The following HCN1 variants were observed in gnomAD, a reference collection of about 807,000 sequenced individuals.
The protein encoded by HCN1 is potassium/sodium hyperpolarization-activated cyclic nucleotide-gated channel 1.
A neutral mutation model predicts 78.9 loss-of-function variants in HCN1; 13 were observed. The observed-to-expected ratio is 0.16, with a 90% confidence interval of 0.11 to 0.26. The LOEUF (loss-of-function observed/expected upper bound fraction) is 0.26. Ranked by LOEUF, HCN1 falls within the 10% of genes least tolerant of loss-of-function variation. The pLI, the probability that HCN1 is intolerant of heterozygous loss-of-function variation, is 1.00. For synonymous variants in HCN1, 552 were observed against 455.5 expected (o/e 1.21, Z -2.70); for missense variants, 810 against 1,154.3 (o/e 0.70, Z 4.32).
At chr5:45,655,227 T>A (rs1040779933) in intron 1 of HCN1, among the ~76,000 whole-genome samples, 4 of 152,096 alleles carry the variant, frequency 2.6e-5, no homozygotes, top group Admixed American at 2.6e-4. Context: ...CAATAAAGTA[T>A]TAAATGTTAA....
chr5:45,385,825 C>T (rs376856876), intron 4 of HCN1, among the ~76,000 whole-genome samples: 1 of 152,142 alleles, frequency 6.6e-6, no homozygotes, highest in African/African-American at 2.4e-5. Flanking sequence ...TGGGAATAAT[C>T]GCATTCTTGG....
At chr5:45,372,494 TA>T (rs1375377971) in intron 4 of HCN1, among the ~76,000 whole-genome samples, 2 of 126,446 alleles carry the variant, frequency 1.6e-5, no homozygotes, top group Non-Finnish European at 3.1e-5. Context: ...CATTTACATA[TA>T]AAAATATATA....
chr5:45,372,036 A>AT (rs1409402408), intron 4 of HCN1, among the ~76,000 whole-genome samples: 2 of 57,118 alleles, frequency 3.5e-5, no homozygotes, highest in African/African-American at 9.6e-5. Flanking sequence ...ATATAATTAT[A>AT]TATATATTAT....
intron 4 of HCN1, among the ~76,000 whole-genome samples, chr5:45,371,603 A>C (rs902542165): frequency 2.0e-5 from 3 of 151,102 alleles, no homozygotes; most frequent in Admixed American, 6.7e-5. Context: ...TTAAAAACAT[A>C]AAAATTGGCT....
intron 2 of HCN1, 71 bp from the exon 3 acceptor site, chr5:45,462,078 A>G (rs1156972503): frequency 1.7e-6 from 2 of 1,168,662 alleles, no homozygotes; most frequent in Non-Finnish European, 2.5e-6. Context: ...TACTGATAGT[A>G]GGCATTGATG....
intron 4 of HCN1, among the ~76,000 whole-genome samples, chr5:45,384,427 C>A (rs1370411789): frequency 6.6e-6 from 1 of 152,094 alleles, no homozygotes; most frequent in African/African-American, 2.4e-5. Context: ...AATCAATTTT[C>A]TAAAGTATAA....
At chr5:45,504,693 T>C (rs1459053429) in intron 2 of HCN1, among the ~76,000 whole-genome samples, 1 of 152,194 alleles carries the variant, frequency 6.6e-6, no homozygotes, top group Non-Finnish European at 1.5e-5. Flanking sequence ...CCACAATGGT[T>C]GAACTAGTTT....
chr5:45,640,767 G>T (rs1378297528), intron 2 of HCN1, among the ~76,000 whole-genome samples: 2 of 150,310 alleles, frequency 1.3e-5, no homozygotes, highest in Middle Eastern at 3.4e-3. Context: ...TAGAGACAGG[G>T]TTTCACCATG....
At chr5:45,404,693 C>CAAAAAAAAAA (rs60728403) in intron 3 of HCN1, among the ~76,000 whole-genome samples, 3 of 56,234 alleles carry the variant, frequency 5.3e-5, no homozygotes, top group East Asian at 5.0e-4. Context: ...GGGCTATTTG[C>CAAAAAAAAAA]AAAAAAAAAA....
chr5:45,527,445 G>C lies in HCN1; in HGVS notation c.850-65438C>G, dbSNP rs139532339. ...CCAATTTGCAAAGAAGGAAAGGGAAGCCAATTAAAAAGTCTATGAACTAAC... is the reference window on the plus strand; with the variant it reads ...CCAATTTGCAAAGAAGGAAAGGGAACCCAATTAAAAAGTCTATGAACTAAC... On this transcript the variant is annotated intron_variant, in intron 2 of 7. Coordinates refer to ENST00000303230, the MANE Select transcript of HCN1 (RefSeq NM_021072.4). Among the ~76,000 whole-genome samples the C allele has an allele frequency of 4.8e-3, 717 of 150,262 alleles. 7 individuals carry two copies. The highest frequency in any genetic ancestry group is 0.013 in the African/African-American group (550 of 40,800).
At chr5:45,295,457 C>T (rs1040088562) in intron 6 of HCN1, among the ~76,000 whole-genome samples, 8 of 152,020 alleles carry the variant, frequency 5.3e-5, no homozygotes, top group African/African-American at 1.9e-4. Context: ...TGCTACAACA[C>T]TACGTAAGAC....
At chr5:45,686,800 G>C (rs916608770) in intron 1 of HCN1, among the ~76,000 whole-genome samples, 21 of 152,212 alleles carry the variant, frequency 1.4e-4, no homozygotes, top group African/African-American at 4.3e-4. Flanking sequence ...CCTTCCTCCA[G>C]AACGCTTTGC....
intron 2 of HCN1, among the ~76,000 whole-genome samples, chr5:45,523,616 G>A (rs375340495): frequency 4.6e-5 from 7 of 152,064 alleles, no homozygotes; most frequent in East Asian, 3.9e-4. Context: ...GCCAGTGATG[G>A]TGAGCATTTT....
At chr5:45,581,390 C>CT (rs572308347) in intron 2 of HCN1, among the ~76,000 whole-genome samples, 237 of 151,946 alleles carry the variant, frequency 1.6e-3, no homozygotes, top group Non-Finnish European at 2.8e-4. Context: ...TTGTAAATTT[C>CT]TTTGAGTTCT....
chr5:45,385,485 T>C (rs1747892243), intron 4 of HCN1, among the ~76,000 whole-genome samples: 1 of 152,040 alleles, frequency 6.6e-6, no homozygotes, highest in Non-Finnish European at 1.5e-5. Context: ...GAAGAATGAG[T>C]CATCTAGTCA....
chr5:45,313,722 A>G (rs1745911549), intron 5 of HCN1, among the ~76,000 whole-genome samples: 1 of 152,230 alleles, frequency 6.6e-6, no homozygotes, highest in African/African-American at 2.4e-5. Context: ...GGACGAATGC[A>G]CAAGCTTCAG....
intron 2 of HCN1, among the ~76,000 whole-genome samples, chr5:45,607,596 T>C (rs1201830317): frequency 1.4e-5 from 2 of 145,844 alleles, no homozygotes; most frequent in Non-Finnish European, 3.0e-5. Flanking sequence ...TATATATATA[T>C]CTATAGATAG....
In HCN1 at chr5:45,256,323, A is replaced by G. The variant is rs562120390; in HGVS notation, c.*5598T>C. 6.6e-6 allele frequency: 1 copy of G among 151,756 alleles called. No homozygotes were observed. Among genetic ancestry groups the G allele is most frequent in the Non-Finnish European group, 1.5e-5 (1 of 67,986 alleles). The allele number at this position is 151,756 out of a possible 1,614,324, so 9.4% of individuals were successfully genotyped here. On this transcript the variant is annotated 3_prime_UTR_variant, in exon 8 of 8. Transcript: ENST00000303230. Reference sequence around the variant, plus strand: ...GGGAGGCTGATGTTGCAGTGGGCCAAGATCCTGCCATTGCACTCCCACCTG... The same window carrying G: ...GGGAGGCTGATGTTGCAGTGGGCCAGGATCCTGCCATTGCACTCCCACCTG...
intron 2 of HCN1, among the ~76,000 whole-genome samples, chr5:45,555,305 AAATAC>A (rs547222914): frequency 8.7e-4 from 133 of 152,016 alleles, no homozygotes; most frequent in African/African-American, 3.2e-3. Flanking sequence ...GCTACAAATA[AAATAC>A]AATACTTAGG....
Sources: allele counts gnomAD v4.1 joint callset (sites outside exome capture counted in the v4.1 genomes callset), GRCh38; gene constraint gnomAD v4.1.1; transcripts MANE v1.5; gene names NCBI Gene and HGNC (gene_info 2026-07-23, HGNC 2026-07-21).